Variants in TANC1 observed in about 807,000 individuals in gnomAD.
The protein encoded by TANC1 is tetratricopeptide repeat, ankyrin repeat and coiled-coil containing 1.
A neutral mutation model predicts 149.7 loss-of-function variants in TANC1; 77 were observed. The ratio of observed to expected loss-of-function variants is 0.51; its 90% confidence interval spans 0.43 to 0.62. The LOEUF (loss-of-function observed/expected upper bound fraction) is 0.62. TANC1 is among the 20% of genes least tolerant of loss of function. TANC1 has a pLI of 0.00. For missense variants in TANC1, 1,985 were observed against 2,321.8 expected, an observed-to-expected ratio of 0.85 and a Z score of 2.98; for synonymous variants, 854 against 925.0, an observed-to-expected ratio of 0.92 and a Z score of 1.39.
chr2:159,059,285 T>A (rs913513570), intron 2 of TANC1, among the ~76,000 whole-genome samples: 1 of 152,160 alleles, frequency 6.6e-6, no homozygotes, highest in African/African-American at 2.4e-5. Flanking sequence ...AGAGAATTAC[T>A]TGAGCCCAGG....
chr2:158,988,180 C>T (rs955572571), intron 1 of TANC1, among the ~76,000 whole-genome samples: 2 of 151,778 alleles, frequency 1.3e-5, no homozygotes, highest in Non-Finnish European at 2.9e-5. Context: ...CAAAAATTAG[C>T]CGGTCGTGGT....
At chr2:159,013,984 G>A (rs1276751737) in intron 2 of TANC1, among the ~76,000 whole-genome samples, 1 of 152,038 alleles carries the variant, frequency 6.6e-6, no homozygotes, top group Non-Finnish European at 1.5e-5. Context: ...CTGTGCCTAT[G>A]TCCAAATTTC....
chr2:159,101,517 G>GT (rs1222695601), intron 4 of TANC1, among the ~76,000 whole-genome samples: 133 of 145,728 alleles, frequency 9.1e-4, no homozygotes, highest in African/African-American at 3.3e-3. Context: ...CCATTTATTT[G>GT]GTTTTTTTTT....
chr2:159,226,634 T>A (rs2060041215), intron 24 of TANC1: 1 of 152,232 alleles, frequency 6.6e-6, no homozygotes, highest in Non-Finnish European at 1.5e-5. Context: ...CCATTTTCCC[T>A]TGGAAATGGA....
At chr2:159,016,876 G>A (rs1010396412) in intron 2 of TANC1, among the ~76,000 whole-genome samples, 5 of 152,068 alleles carry the variant, frequency 3.3e-5, no homozygotes, top group Middle Eastern at 3.2e-3. Context: ...ACCCAGCCTA[G>A]CTAGGCCAAA....
intron 2 of TANC1, among the ~76,000 whole-genome samples, chr2:159,024,808 CTATGTTTAGA>C (rs1450545306): frequency 6.6e-6 from 1 of 151,890 alleles, no homozygotes; most frequent in Non-Finnish European, 1.5e-5. Context: ...TGTGCCTTTT[CTATGTTTAGA>C]TATGTTTAGA....
rs1193588704 is a variant in TANC1 at position 159,117,403 on chromosome 2, C to CTT, written c.260-18782_260-18781dup. Among the ~76,000 whole-genome samples, 46 of 147,028 alleles carry CTT rather than the reference C, an allele frequency of 3.1e-4. No individual in the cohort carries two copies. In the East Asian group the frequency reaches 5.0e-3, roughly 16 times the overall value. On this transcript the variant is annotated intron_variant, in intron 4 of 26. Transcript: ENST00000263635. ...ACCTACTAAAGTCTGTACTTTATTC[C>CTT]TTTTTTTTTTGAGATGGGGTCTTGC...
chr2:159,214,384 C>T (rs892139187), intron 19 of TANC1, among the ~76,000 whole-genome samples: 5 of 152,194 alleles, frequency 3.3e-5, no homozygotes, highest in African/African-American at 1.2e-4. Flanking sequence ...TAGATCATAT[C>T]TTCAGGTGTC....
intron 2 of TANC1, among the ~76,000 whole-genome samples, chr2:159,044,957 T>C (rs998470669): frequency 6.6e-6 from 1 of 152,232 alleles, no homozygotes; most frequent in Non-Finnish European, 1.5e-5. Context: ...CCCAGAACTT[T>C]GCGGGATCCT....
rs745909280 is a variant in TANC1, at chr2:159,224,314, G to A, written c.3761G>A (p.Cys1254Tyr). ...CGGCCCTTGGACAGAGCCATCGGCT[G>A]CCGGAACACATCTGTAGTGGTGGCG... Reference protein sequence around the residue: ...GMRPLDRAIGCRNTSVVVALL... With the variant: ...GMRPLDRAIGYRNTSVVVALL... The change falls in exon 23 of 27, where the codon TGC (cysteine) becomes TAC (tyrosine). Residue 1254 changes from cysteine (C) to tyrosine (Y), a missense_variant. Transcript: ENST00000263635. The A allele has an allele frequency of 6.2e-7, 1 of 1,614,194 alleles. No individual in the cohort carries two copies. Among genetic ancestry groups the A allele is most frequent in the Non-Finnish European group, 8.5e-7 (1 of 1,180,046 alleles).
At chr2:158,998,122 G>A (rs534589753) in intron 1 of TANC1, among the ~76,000 whole-genome samples, 23 of 152,136 alleles carry the variant, frequency 1.5e-4, no homozygotes, top group Admixed American at 5.2e-4. Flanking sequence ...AACTTAGCTG[G>A]GTGTGGTGGT....
intron 7 of TANC1, among the ~76,000 whole-genome samples, chr2:159,155,907 T>C (rs2053382578): frequency 6.6e-6 from 1 of 152,162 alleles, no homozygotes; most frequent in South Asian, 2.1e-4. Context: ...AAAAAAATTA[T>C]CATGGGCTGA....
chr2:159,016,119 A>G (rs2038241620), intron 2 of TANC1, among the ~76,000 whole-genome samples: 1 of 152,228 alleles, frequency 6.6e-6, no homozygotes, highest in African/African-American at 2.4e-5. Flanking sequence ...TTTACAAAAG[A>G]AAGAGATTTA....
chr2:158,976,444 C>A (rs916366614), intron 1 of TANC1, among the ~76,000 whole-genome samples: 1 of 152,006 alleles, frequency 6.6e-6, no homozygotes, highest in African/African-American at 2.4e-5. Context: ...ACTAAACTGA[C>A]CCCCAGAAAA....
At position 159,117,701 on chromosome 2, in the gene TANC1, C is replaced by CTTTTTT. The variant is rs59509568; in HGVS notation, c.260-18468_260-18463dup. On this transcript the variant is annotated intron_variant, in intron 4 of 26. Transcript: ENST00000263635. The stretch of plus-strand genomic sequence containing the variant: ...GTGAGCCACCGTGCCCGGCCTATTC[C>CTTTTTT]TTTTTTTTTTTTTTTTTTTTTTTTT... 2.9e-4 allele frequency among the ~76,000 whole-genome samples: 33 copies of CTTTTTT among 113,262 alleles called. 1 individual carries two copies. The highest frequency in any genetic ancestry group is 1.1e-3 in the African/African-American group (29 of 27,136). The allele number at this position is 113,262 out of a possible 152,430, so 74.3% of individuals were successfully genotyped here.
intron 2 of TANC1, chr2:159,004,108 A>G (rs1434175675): frequency 5.6e-6 from 9 of 1,611,442 alleles, no homozygotes; most frequent in Non-Finnish European, 6.8e-6. Flanking sequence ...ATTACTGGTC[A>G]TGCAGAAGCC....
intron 19 of TANC1, among the ~76,000 whole-genome samples, chr2:159,202,576 C>A (rs2058323246): frequency 6.6e-6 from 1 of 152,162 alleles, no homozygotes; most frequent in Admixed American, 6.5e-5. Flanking sequence ...CTCTCCCTCT[C>A]CCCATGCATC....
chr2:159,217,670 G>T lies in TANC1; in HGVS notation c.3378+40G>T, dbSNP rs2288107. The T allele has an allele frequency of 1.1e-5, 17 of 1,608,764 alleles. No homozygotes were observed. In the South Asian group the frequency reaches 1.9e-4, roughly 18 times the overall value. ...CCTGAATGCTTCAGAAGCAATGAGT[G>T]GGGATGGAGTTCACTATTGCCTGGC... On this transcript the variant is annotated intron_variant, in intron 20 of 26. Coordinates refer to ENST00000263635, the MANE Select transcript of TANC1 (RefSeq NM_033394.3).
At chr2:159,210,346 A>C (rs548873071) in intron 19 of TANC1, among the ~76,000 whole-genome samples, 1 of 152,214 alleles carries the variant, frequency 6.6e-6, no homozygotes, top group Middle Eastern at 3.4e-3. Flanking sequence ...ACATCCTGTG[A>C]ATTTGAGTGA....
Sources: gnomAD v4.1 joint callset for allele counts (sites outside exome capture counted in the v4.1 genomes callset) on GRCh38, gnomAD v4.1.1 for gene constraint, MANE v1.5 for transcripts, NCBI Gene and HGNC (gene_info 2026-07-23, HGNC 2026-07-21) for gene names.